LMX1A: variants seen among roughly 807,000 people sequenced by gnomAD.
LMX1A encodes the protein LIM homeobox transcription factor 1-alpha.
Under a neutral mutation model 49.1 loss-of-function variants are expected in LMX1A, and 15 were observed. The observed-to-expected ratio is 0.31, with a 90% CI of 0.20 to 0.47. LMX1A has a LOEUF of 0.47. LMX1A is among the 20% of genes least tolerant of loss of function. LMX1A has a pLI of 1.00. For missense variants in LMX1A, 372 were observed against 475.8 expected (o/e 0.78, Z 2.03); for synonymous variants, 167 against 185.7 (o/e 0.90, Z 0.82).
At chr1:165,270,052 A>T (rs568882313) in intron 3 of LMX1A, among the ~76,000 whole-genome samples, 32 of 152,250 alleles carry the variant, frequency 2.1e-4, no homozygotes, top group Middle Eastern at 3.4e-3. Flanking sequence ...ACTTAAAAAA[A>T]ATATATTAAA....
At chr1:165,260,333 GGTGT>G (rs3038100) in intron 3 of LMX1A, among the ~76,000 whole-genome samples, 4 of 151,242 alleles carry the variant, frequency 2.6e-5, no homozygotes, top group Non-Finnish European at 4.4e-5. Flanking sequence ...TATATTTCCT[GGTGT>G]GTGTGTGTGT....
At chr1:165,205,752 A>G in intron 8 of LMX1A, 112 bp downstream of exon 8, 1 of 1,001,354 alleles carries the variant, frequency 1.0e-6, no homozygotes, top group Non-Finnish European at 1.5e-6. Context: ...AGGGCACATT[A>G]TTCTGCTTTG....
At chr1:165,302,163 T>C (rs1654799754) in intron 3 of LMX1A, among the ~76,000 whole-genome samples, 2 of 145,246 alleles carry the variant, frequency 1.4e-5, no homozygotes, top group South Asian at 4.4e-4. Flanking sequence ...TGAGGCTGGG[T>C]GTGGTGGCTC....
intron 3 of LMX1A, among the ~76,000 whole-genome samples, chr1:165,339,339 C>G (rs775635978): frequency 4.6e-5 from 7 of 152,214 alleles, no homozygotes; most frequent in Non-Finnish European, 1.0e-4. Context: ...AAAGCGAAAG[C>G]TCTTCAACTG....
Position 165,204,001 on chromosome 1 carries a change from G to T in LMX1A, c.1028C>A (p.Thr343Asn), listed in dbSNP as rs1650959239. Reference sequence around the variant, plus strand: ...ACAATCACCCAGGTTACTGAGGGAGGTGTCGTCGCTATCCAGGTCATGGAA... The same window carrying T: ...ACAATCACCCAGGTTACTGAGGGAGTTGTCGTCGCTATCCAGGTCATGGAA... ...PLFHDLDSDD[T>N]SLSNLGDCFL... The change falls in exon 9 of 9, where the codon ACC becomes AAC. Residue 343 changes from threonine (T) to asparagine (N), a missense_variant. Thr to Asn is a moderately conservative substitution (Grantham distance 65). Transcript: ENST00000342310. The T allele has an allele frequency of 6.2e-7, 1 of 1,614,112 alleles. No individual in the cohort carries two copies. Among genetic ancestry groups the T allele is most frequent in the Non-Finnish European group, 8.5e-7 (1 of 1,180,014 alleles).
intron 3 of LMX1A, among the ~76,000 whole-genome samples, chr1:165,254,866 A>G (rs1156715913): frequency 7.2e-5 from 11 of 152,110 alleles, no homozygotes; most frequent in African/African-American, 1.9e-4. Flanking sequence ...ACACCACCCA[A>G]CTTTCCTTGA....
intron 4 of LMX1A, among the ~76,000 whole-genome samples, chr1:165,225,605 T>TA (rs1652007352): frequency 6.6e-6 from 1 of 152,246 alleles, no homozygotes; most frequent in African/African-American, 2.4e-5. Context: ...ACTCCGAACC[T>TA]AAGACCGCTG....
chr1:165,296,573 C>A (rs909754153), intron 3 of LMX1A, among the ~76,000 whole-genome samples: 1 of 152,254 alleles, frequency 6.6e-6, no homozygotes, highest in Admixed American at 6.5e-5. Flanking sequence ...GAATTAACTG[C>A]TCCTTCCCCT....
intron 3 of LMX1A, among the ~76,000 whole-genome samples, chr1:165,280,364 C>T (rs962849669): frequency 2.0e-5 from 3 of 151,994 alleles, no homozygotes; most frequent in Non-Finnish European, 4.4e-5. Context: ...ACAACTGTCT[C>T]CCACCCCAAA....
At chr1:165,337,936 A>G (rs539926920) in intron 3 of LMX1A, among the ~76,000 whole-genome samples, 187 of 133,586 alleles carry the variant, frequency 1.4e-3, no homozygotes, top group Non-Finnish European at 2.1e-3. Flanking sequence ...AACTCAAAGT[A>G]CATGTTCCAT....
intron 4 of LMX1A, among the ~76,000 whole-genome samples, chr1:165,239,236 T>G (rs543319657): frequency 1.3e-5 from 2 of 152,346 alleles, no homozygotes; most frequent in South Asian, 4.1e-4. Flanking sequence ...TTAATCAAAA[T>G]TATTGTGTGA....
At chr1:165,265,061 G>A (rs566530834) in intron 3 of LMX1A, among the ~76,000 whole-genome samples, 32 of 152,064 alleles carry the variant, frequency 2.1e-4, no homozygotes, top group Admixed American at 5.2e-4. Flanking sequence ...AAAATTAGCC[G>A]GGCATGGTGG....
chr1:165,288,485 C>T (rs1301461895), intron 3 of LMX1A, among the ~76,000 whole-genome samples: 13 of 152,148 alleles, frequency 8.5e-5, no homozygotes, highest in African/African-American at 2.2e-4. Flanking sequence ...CGGCTGCCAC[C>T]GGGAACTACA....
chr1:165,276,112 C>T (rs1243822764), intron 3 of LMX1A, among the ~76,000 whole-genome samples: 3 of 151,970 alleles, frequency 2.0e-5, no homozygotes, highest in East Asian at 1.9e-4. Flanking sequence ...CAAGTGTGCC[C>T]CTTCAGAGTG....
intron 4 of LMX1A, among the ~76,000 whole-genome samples, chr1:165,248,915 G>T (rs71628371): frequency 0.11 from 16,089 of 152,220 alleles, 1,081 homozygotes; most frequent in Admixed American, 0.14. Flanking sequence ...GACATGATGT[G>T]TGCAGAAGCT....
intron 3 of LMX1A, among the ~76,000 whole-genome samples, chr1:165,254,268 G>C (rs1653155676): frequency 6.6e-6 from 1 of 152,144 alleles, no homozygotes; most frequent in South Asian, 2.1e-4. Context: ...AGTTGGAGAA[G>C]GGAGGGTTGG....
intron 6 of LMX1A, among the ~76,000 whole-genome samples, chr1:165,208,637 GT>G (rs1012386161): frequency 6.6e-6 from 1 of 152,038 alleles, no homozygotes; most frequent in Non-Finnish European, 1.5e-5. Flanking sequence ...TGAAGGAATA[GT>G]TTTTTATTTT....
intron 3 of LMX1A, among the ~76,000 whole-genome samples, chr1:165,251,758 T>A (rs1653067474): frequency 6.6e-6 from 1 of 152,142 alleles, no homozygotes; most frequent in East Asian, 1.9e-4. Flanking sequence ...GCAGCTTCCA[T>A]CTTCTCCTTG....
intron 3 of LMX1A, among the ~76,000 whole-genome samples, chr1:165,329,184 A>G (rs1213702838): frequency 6.6e-6 from 1 of 152,184 alleles, no homozygotes. Context: ...TGTAACAGGA[A>G]CTGTCAAACA....
Sources: gnomAD v4.1 joint callset for allele counts (sites outside exome capture counted in the v4.1 genomes callset) on GRCh38, gnomAD v4.1.1 for gene constraint, MANE v1.5 for transcripts, NCBI Gene and HGNC (gene_info 2026-07-23, HGNC 2026-07-21) for gene names.